ABTB3: variants seen among roughly 807,000 people sequenced by gnomAD.
ABTB3 encodes ankyrin repeat and BTB domain containing 3.
chr12:107,624,883 T>A, the ABTB3 span, among the ~76,000 whole-genome samples: 1 of 152,244 alleles, frequency 6.6e-6, no homozygotes, highest in Non-Finnish European at 1.5e-5. Context: ...GGTAGTTGCA[T>A]GTTTGGTTTT....
chr12:107,437,114 C>T, the ABTB3 span, among the ~76,000 whole-genome samples: 34 of 152,278 alleles, frequency 2.2e-4, no homozygotes, highest in South Asian at 2.1e-4. Context: ...GCTTAATGTC[C>T]TCTGATGATG....
At chr12:107,447,912 G>A in the ABTB3 span, among the ~76,000 whole-genome samples, 12 of 152,190 alleles carry the variant, frequency 7.9e-5, no homozygotes, top group African/African-American at 2.4e-4. Flanking sequence ...TATTAGGCCC[G>A]AGGGGTCCCA....
the ABTB3 span, among the ~76,000 whole-genome samples, chr12:107,505,878 C>A: frequency 6.6e-6 from 1 of 152,290 alleles, no homozygotes; most frequent in Middle Eastern, 3.4e-3. Flanking sequence ...TTTTTTATGG[C>A]TGCATAGTAT....
the ABTB3 span, among the ~76,000 whole-genome samples, chr12:107,596,528 T>A: frequency 2.0e-5 from 3 of 152,100 alleles, no homozygotes; most frequent in African/African-American, 7.2e-5. Context: ...GGCAGGAGAA[T>A]TGCTTGAACT....
the ABTB3 span, chr12:107,544,077 C>T: frequency 1.9e-6 from 3 of 1,614,060 alleles, no homozygotes; most frequent in Admixed American, 3.3e-5. Flanking sequence ...TCATGCACTG[C>T]CCACAAATGG....
the ABTB3 span, among the ~76,000 whole-genome samples, chr12:107,332,608 G>C: frequency 2.0e-5 from 3 of 152,302 alleles, no homozygotes; most frequent in South Asian, 4.1e-4. Context: ...AGGCACCTGG[G>C]GTGAGTAATG....
chr12:107,352,023 T>C, the ABTB3 span, among the ~76,000 whole-genome samples: 1 of 152,278 alleles, frequency 6.6e-6, no homozygotes, highest in East Asian at 1.9e-4. Context: ...TTAATTCACT[T>C]AATAAATACC....
chr12:107,375,216 A>G, the ABTB3 span, among the ~76,000 whole-genome samples: 1 of 152,152 alleles, frequency 6.6e-6, no homozygotes, highest in Non-Finnish European at 1.5e-5. Flanking sequence ...CAGAAATTTG[A>G]GACCAGCCTG....
chr12:107,445,772 T>C, the ABTB3 span, among the ~76,000 whole-genome samples: 3 of 152,080 alleles, frequency 2.0e-5, no homozygotes, highest in Non-Finnish European at 4.4e-5. Flanking sequence ...ATCCACCTCC[T>C]TGTCTTTTTG....
the ABTB3 span, among the ~76,000 whole-genome samples, chr12:107,558,360 G>A: frequency 6.6e-6 from 1 of 152,214 alleles, no homozygotes; most frequent in African/African-American, 2.4e-5. Flanking sequence ...CAACAGCTTG[G>A]CATCTGGCCC....
the ABTB3 span, among the ~76,000 whole-genome samples, chr12:107,433,978 T>C: frequency 2.0e-5 from 3 of 152,176 alleles, no homozygotes; most frequent in Non-Finnish European, 2.9e-5. Flanking sequence ...GGGTCCATTT[T>C]ATGGGGACAC....
chr12:107,340,671 G>A, the ABTB3 span, among the ~76,000 whole-genome samples: 1 of 149,930 alleles, frequency 6.7e-6, no homozygotes, highest in Non-Finnish European at 1.5e-5. Flanking sequence ...TTGGAGAATC[G>A]ATTAAGTGGC....
At chr12:107,340,705 T>TA in the ABTB3 span, among the ~76,000 whole-genome samples, 1 of 151,274 alleles carries the variant, frequency 6.6e-6, no homozygotes, top group South Asian at 2.1e-4. Flanking sequence ...TTAGAGAGAA[T>TA]AAAAAAATAA....
At chr12:107,618,102 C>G in the ABTB3 span, 2 of 1,557,676 alleles carry the variant, frequency 1.3e-6, no homozygotes, top group Non-Finnish European at 1.8e-6. Context: ...CTGCCCTGCC[C>G]CAGCAGATCC....
chr12:107,429,374 A>G, the ABTB3 span, among the ~76,000 whole-genome samples: 669 of 152,278 alleles, frequency 4.4e-3, 3 homozygotes, highest in African/African-American at 0.015. Context: ...AAACTGGTCG[A>G]CCACACTTCT....
At chr12:107,498,187 T>A in the ABTB3 span, among the ~76,000 whole-genome samples, 666 of 152,342 alleles carry the variant, frequency 4.4e-3, 2 homozygotes, top group South Asian at 6.2e-3. Flanking sequence ...TGGCATTCTT[T>A]GGTCATCTCT....
At chr12:107,635,870 CCACACACACACA>C in the ABTB3 span, among the ~76,000 whole-genome samples, 166 of 115,226 alleles carry the variant, frequency 1.4e-3, no homozygotes, top group Admixed American at 2.1e-3. Flanking sequence ...CCCCACCCAC[CCACACACACACA>C]CACACACACA....
chr12:107,567,628 A>G, the ABTB3 span, among the ~76,000 whole-genome samples: 1 of 152,168 alleles, frequency 6.6e-6, no homozygotes, highest in Non-Finnish European at 1.5e-5. Context: ...GTACTGTTCC[A>G]TGGCCTGTTA....
chr12:107,539,839 G>A, the ABTB3 span, among the ~76,000 whole-genome samples: 1 of 152,222 alleles, frequency 6.6e-6, no homozygotes, highest in Admixed American at 6.5e-5. Context: ...GGCTGGAGCT[G>A]AGATTTGAAC....
Sources: gnomAD v4.1 joint callset for allele counts (sites outside exome capture counted in the v4.1 genomes callset) on GRCh38, gnomAD v4.1.1 for gene constraint, MANE v1.5 for transcripts, NCBI Gene and HGNC (gene_info 2026-07-23, HGNC 2026-07-21) for gene names.